TIMM21: variants seen among roughly 807,000 people sequenced by gnomAD.
TIMM21 encodes mitochondrial import inner membrane translocase subunit Tim21.
TIMM21 carries 30 observed loss-of-function variants against 27.7 expected under a neutral mutation model. The observed-to-expected ratio is 1.08, with a 90% CI of 0.81 to 1.47. The LOEUF (loss-of-function observed/expected upper bound fraction) is 1.47, where lower values mean the gene tolerates loss of function less well. TIMM21 is among the 40% of genes most tolerant of loss of function. The pLI, the probability that TIMM21 is intolerant of heterozygous loss-of-function variation, is 0.00. For missense variants in TIMM21, 292 were observed against 302.9 expected, an observed-to-expected ratio of 0.96 and a Z score of 0.27; for synonymous variants, 121 against 114.4, an observed-to-expected ratio of 1.06 and a Z score of -0.37.
chr18:74,159,109 G>C lies in TIMM21; in HGVS notation c.*629G>C, dbSNP rs145915942. 688 of 153,962 alleles carry C rather than the reference G, an allele frequency of 4.5e-3. 6 individuals are homozygous for C. The highest frequency in any genetic ancestry group is 0.016 in the African/African-American group (656 of 41,524). The allele number at this position is 153,962 out of a possible 1,614,324, so 9.5% of individuals were successfully genotyped here. ...AGGTGCGTGGTCAAGTGTCCCTGTTGTGTGGGTTGTTAGGATGGCAGTGTG... is the reference window on the plus strand; with the variant it reads ...AGGTGCGTGGTCAAGTGTCCCTGTTCTGTGGGTTGTTAGGATGGCAGTGTG... On this transcript the variant is annotated 3_prime_UTR_variant, in exon 6 of 6. Coordinates refer to ENST00000169551, the MANE Select transcript of TIMM21 (RefSeq NM_014177.3).
chr18:74,157,244 C>A (rs1022140523), intron 3 of TIMM21: 1 of 152,122 alleles, frequency 6.6e-6, no homozygotes, highest in Admixed American at 6.5e-5. Context: ...TATCTGTTTT[C>A]TTTTTCCTCA....
At chr18:74,154,174 G>A (rs1263228208) in intron 1 of TIMM21, among the ~76,000 whole-genome samples, 1 of 152,110 alleles carries the variant, frequency 6.6e-6, no homozygotes, top group Non-Finnish European at 1.5e-5. Context: ...GGGGTAATAG[G>A]GACAAATAAG....
intron 3 of TIMM21, chr18:74,156,259 G>A (rs1979947413): frequency 1.3e-5 from 5 of 398,636 alleles, no homozygotes; most frequent in Non-Finnish European, 8.8e-6. Flanking sequence ...CACAGACCAA[G>A]GAGTAATGTC....
intron 3 of TIMM21, chr18:74,157,678 C>T: frequency 4.8e-6 from 1 of 210,486 alleles, no homozygotes; most frequent in Non-Finnish European, 9.6e-6. Context: ...TCACTGCAGC[C>T]TCTGCCTACT....
rs774457041 is a variant in TIMM21 at position 74,148,980 on chromosome 18, C to T, written c.172C>T (p.Leu58Phe). The T allele has an allele frequency of 6.2e-7, 1 of 1,614,144 alleles. No individual in the cohort carries two copies. The highest frequency in any genetic ancestry group is 1.3e-5 in the African/African-American group (1 of 75,022). The change falls in exon 1 of 6, where the codon CTT becomes TTT. Residue 58 changes from leucine to phenylalanine, a missense_variant. Physicochemically the swap from Leu to Phe is conservative, Grantham distance 22. Coordinates refer to ENST00000169551, the MANE Select transcript of TIMM21 (RefSeq NM_014177.3). ...GAAAACGCTGCGACCTAGATGTATT[C>T]TTGGAGTCACCCAGAAAACCATCTG... ...QKKTLRPRCI[L>F]GVTQKTIWTQ...
At chr18:74,157,541 G>A (rs185679843) in intron 3 of TIMM21, 15 of 154,608 alleles carry the variant, frequency 9.7e-5, no homozygotes, top group Admixed American at 9.6e-4. Flanking sequence ...GATGATTTTT[G>A]TATAATAACC....
Position 74,155,321 on chromosome 18 carries a change from C to G in TIMM21, c.380C>G (p.Thr127Arg). ...GTGATTTCAGGTGGCTTGTTTTACACGATTTTCAAAGAACTTTTTTCTTCA... is the reference window on the plus strand; with the variant it reads ...GTGATTTCAGGTGGCTTGTTTTACAGGATTTTCAAAGAACTTTTTTCTTCA... ...GISITGGLFY[T>R]IFKELFSSSS... Residue 127 changes from threonine to arginine, a missense_variant, in exon 3 of 6, where the codon ACG becomes AGG. Physicochemically the swap from Thr to Arg is moderately conservative, Grantham distance 71 (BLOSUM62 -1). Transcript: ENST00000169551. The G allele has an allele frequency of 6.2e-7, 1 of 1,613,236 alleles. No homozygotes were observed. The highest frequency in any genetic ancestry group is 1.3e-5 in the African/African-American group (1 of 74,944).
At chr18:74,154,269 CTT>C (rs796141852) in intron 1 of TIMM21, among the ~76,000 whole-genome samples, 1 of 147,392 alleles carries the variant, frequency 6.8e-6, no homozygotes, top group Non-Finnish European at 1.5e-5. Flanking sequence ...CTGACACTGT[CTT>C]TTTTTTTTTG....
intron 1 of TIMM21, among the ~76,000 whole-genome samples, chr18:74,154,454 C>G (rs947160153): frequency 6.6e-6 from 1 of 151,904 alleles, no homozygotes; most frequent in Admixed American, 6.6e-5. Flanking sequence ...GTAGAGACGG[C>G]GTTTCACCGT....
Position 74,158,865 on chromosome 18 carries a change from G to GAT in TIMM21, c.*385_*386insAT. The GAT allele has an allele frequency of 2.2e-5, 4 of 184,954 alleles. No homozygotes were observed. The highest frequency in any genetic ancestry group is 1.1e-4 in the South Asian group (1 of 9,298). 11.5% of individuals were successfully genotyped at this position (184,954 alleles called of 1,614,324 possible). On this transcript the variant is annotated 3_prime_UTR_variant, in exon 6 of 6. Transcript: ENST00000169551. ...AAAACTAACAAATATGTCATTAGCAGCTGCCCTCCGCATACTTTGGAATCT... is the reference window on the plus strand; with the variant it reads ...AAAACTAACAAATATGTCATTAGCAGATCTGCCCTCCGCATACTTTGGAATCT...
In TIMM21 at chr18:74,148,839, T is replaced by C. The variant is rs1281021705; in HGVS notation, c.31T>C (p.Tyr11His). 2 of 1,613,750 alleles carry C rather than the reference T, an allele frequency of 1.2e-6. No individual in the cohort carries two copies. Among genetic ancestry groups the C allele is most frequent in the East Asian group, 4.5e-5 (2 of 44,866 alleles). Residue 11 changes from tyrosine to histidine, a missense_variant, in exon 1 of 6, where the codon TAT becomes CAT. By Grantham distance (83) the Tyr-to-His change is moderately conservative (BLOSUM62 2). Coordinates refer to ENST00000169551, the MANE Select transcript of TIMM21 (RefSeq NM_014177.3). ...TTGTACTTTTCTACGAGCCGTACAG[T>C]ATACGGAGAAGCTGCACAGGTCCTC... MICTFLRAVQYTEKLHRSSAK... is the reference protein window; with the variant it reads MICTFLRAVQHTEKLHRSSAK...
intron 1 of TIMM21, among the ~76,000 whole-genome samples, chr18:74,151,997 A>C (rs1979823724): frequency 7.1e-6 from 1 of 140,026 alleles, no homozygotes; most frequent in African/African-American, 2.8e-5. Context: ...CACCCTTCTC[A>C]TGCCCAGTCG....
chr18:74,156,642 T>G (rs955442169), intron 3 of TIMM21: 38 of 200,334 alleles, frequency 1.9e-4, no homozygotes, highest in Non-Finnish European at 1.0e-4. Context: ...GGTAACCTCA[T>G]TAAATGTTAG....
chr18:74,155,220 A>G lies in TIMM21; in HGVS notation c.364+13A>G, dbSNP rs1346634888. 6.2e-7 allele frequency: 1 copy of G among 1,614,232 alleles called. No homozygotes were observed. The highest frequency in any genetic ancestry group is 8.5e-7 in the Non-Finnish European group (1 of 1,180,028). ...ATCAGCATTACAGGTTGCAAAAAACAGCAAGTATAAGCCCTTGAATATTTT... is the reference window on the plus strand; with the variant it reads ...ATCAGCATTACAGGTTGCAAAAAACGGCAAGTATAAGCCCTTGAATATTTT... On this transcript the variant is annotated intron_variant, in intron 2 of 5. Transcript: ENST00000169551.
chr18:74,159,557 A>C lies in TIMM21; in HGVS notation c.*1077A>C, dbSNP rs191940458. On this transcript the variant is annotated 3_prime_UTR_variant, in exon 6 of 6. Transcript: ENST00000169551. ...GGATAGAGAGACCTCCAGGCAATCTATCTCCCCTTTTTACTTTATCTCCCT... is the reference window on the plus strand; with the variant it reads ...GGATAGAGAGACCTCCAGGCAATCTCTCTCCCCTTTTTACTTTATCTCCCT... 1 of 152,034 alleles carries C rather than the reference A, an allele frequency of 6.6e-6. No individual in the cohort carries two copies. The highest frequency in any genetic ancestry group is 1.5e-5 in the Non-Finnish European group (1 of 67,992). The allele number at this position is 152,034 out of a possible 1,614,324, so 9.4% of individuals were successfully genotyped here. A position where few individuals can be genotyped will look rare whatever the true frequency, so the allele number is the denominator to read the frequency against.
Position 74,148,587 on chromosome 18 carries a change from G to A in TIMM21, c.-222G>A, listed in dbSNP as rs2145249702. The stretch of plus-strand genomic sequence containing the variant: ...TCAGCCCAGAAGGTGATCAGAGCCT[G>A]TTAATTAAAATGGAAAGAAGACAGA... On this transcript the variant is annotated 5_prime_UTR_variant, in exon 1 of 6. Coordinates refer to ENST00000169551, the MANE Select transcript of TIMM21 (RefSeq NM_014177.3). The A allele has an allele frequency of 2.1e-6, 1 of 478,992 alleles. No homozygotes were observed. The highest frequency in any genetic ancestry group is 1.9e-5 in the African/African-American group (1 of 52,280). 29.7% of individuals were successfully genotyped at this position (478,992 alleles called of 1,614,324 possible). A position where few individuals can be genotyped will look rare whatever the true frequency, so the allele number is the denominator to read the frequency against.
rs755658553 is a variant in TIMM21, at chr18:74,155,367, T to C, written c.426T>C (p.Tyr142=). 10 of 1,613,134 alleles carry C rather than the reference T, an allele frequency of 6.2e-6. No homozygotes were observed. In the Admixed American group the frequency reaches 1.3e-4, roughly 22 times the overall value. ...LFSSSSPSKI[Y]GRALEKCRSH... is the part of the protein sequence containing the mutation. ...CTTCATCCAGTCCTAGCAAGATATA[T>C]GGGAGAGCCTTAGAAAAATGCAGAT... The change falls in exon 3 of 6, where the codon TAT becomes TAC. Residue 142 remains tyrosine (Y), a synonymous_variant. Coordinates refer to ENST00000169551, the MANE Select transcript of TIMM21 (RefSeq NM_014177.3).
intron 1 of TIMM21, among the ~76,000 whole-genome samples, chr18:74,153,171 G>C (rs552038807): frequency 1.3e-5 from 2 of 152,172 alleles, no homozygotes; most frequent in Admixed American, 6.5e-5. Flanking sequence ...GGTCTGATAG[G>C]GTTCAGAAAG....
intron 1 of TIMM21, among the ~76,000 whole-genome samples, chr18:74,153,065 C>A (rs559722195): frequency 1.5e-4 from 23 of 152,334 alleles, no homozygotes; most frequent in Non-Finnish European, 3.2e-4. Flanking sequence ...GTGCTCCCTG[C>A]AGCTGGGAGC....
Sources: allele counts gnomAD v4.1 joint callset (sites outside exome capture counted in the v4.1 genomes callset), GRCh38; gene constraint gnomAD v4.1.1; transcripts MANE v1.5; gene names NCBI Gene and HGNC (gene_info 2026-07-23, HGNC 2026-07-21).